UBXN7: variants seen among roughly 807,000 people sequenced by gnomAD.
UBXN7 encodes the protein UBX domain protein 7.
A neutral mutation model predicts 58.0 loss-of-function variants in UBXN7; 9 were observed. The observed-to-expected ratio is 0.16, with a 90% CI of 0.09 to 0.27. UBXN7 has a LOEUF of 0.27. Ranked by LOEUF, UBXN7 falls within the 10% of genes least tolerant of loss-of-function variation. UBXN7 has a pLI of 1.00. For missense variants in UBXN7, 328 were observed against 599.6 expected, an observed-to-expected ratio of 0.55 and a Z score of 4.73; for synonymous variants, 208 against 205.0, an observed-to-expected ratio of 1.01 and a Z score of -0.12.
chr3:196,373,374 TC>T (rs1274987485), intron 5 of UBXN7, among the ~76,000 whole-genome samples: 6 of 152,188 alleles, frequency 3.9e-5, no homozygotes, highest in Non-Finnish European at 8.8e-5. Context: ...CAGTCCCTTG[TC>T]AGCATAAAGA....
intron 2 of UBXN7, among the ~76,000 whole-genome samples, chr3:196,404,261 GTTT>G (rs869218456): frequency 3.9e-5 from 5 of 129,396 alleles, no homozygotes; most frequent in African/African-American, 5.7e-5. Context: ...AGCCCTAATG[GTTT>G]TTTTTTTTTT....
chr3:196,407,953 C>T (rs1321017486), intron 1 of UBXN7, among the ~76,000 whole-genome samples: 2 of 151,648 alleles, frequency 1.3e-5, no homozygotes, highest in African/African-American at 4.9e-5. Context: ...CAAAAATTTG[C>T]CAGGCATGGT....
chr3:196,399,049 T>C (rs1729872521), intron 3 of UBXN7, among the ~76,000 whole-genome samples: 1 of 152,246 alleles, frequency 6.6e-6, no homozygotes, highest in Non-Finnish European at 1.5e-5. Flanking sequence ...TGTAAACTGA[T>C]AGTCTGTCAG....
At position 196,364,111 on chromosome 3, in the gene UBXN7, T is replaced by C. The variant is rs143106583; in HGVS notation, c.835-1424A>G. Among the ~76,000 whole-genome samples the C allele has an allele frequency of 3.6e-3, 551 of 152,346 alleles. 20 individuals carry two copies. The South Asian group carries it at 0.074, about 20-fold the overall frequency. On this transcript the variant is annotated intron_variant, in intron 8 of 10. Coordinates refer to ENST00000296328, the MANE Select transcript of UBXN7 (RefSeq NM_015562.2). ...CAACTAGTAATTCCATTAATTACAA[T>C]GAAGGTTTTCATTATGATAACAAGA...
At chr3:196,406,769 C>T (rs1730176893) in intron 2 of UBXN7, among the ~76,000 whole-genome samples, 2 of 152,132 alleles carry the variant, frequency 1.3e-5, no homozygotes, top group South Asian at 4.2e-4. Context: ...TTCATAGCAA[C>T]TCAAAACATT....
At chr3:196,391,788 A>G in intron 5 of UBXN7, 25 bp downstream of exon 5, 1 of 1,534,908 alleles carries the variant, frequency 6.5e-7, no homozygotes, top group Non-Finnish European at 8.9e-7. Context: ...TTCATAGTTA[A>G]GGCACTGACT....
At chr3:196,423,069 G>A (rs913022715) in intron 1 of UBXN7, among the ~76,000 whole-genome samples, 2 of 152,224 alleles carry the variant, frequency 1.3e-5, no homozygotes, top group Admixed American at 6.5e-5. Context: ...ACTAGGCTAT[G>A]GGCAGCCCAG....
At chr3:196,400,712 C>A in intron 3 of UBXN7, 1 of 373,386 alleles carries the variant, frequency 2.7e-6, no homozygotes, top group Non-Finnish European at 5.2e-6. Flanking sequence ...TGCACTCCAG[C>A]CTGGGCAACA....
At chr3:196,401,308 C>T (rs1368131551) in intron 3 of UBXN7, among the ~76,000 whole-genome samples, 3 of 106,762 alleles carry the variant, frequency 2.8e-5, no homozygotes, top group Admixed American at 2.4e-4. Context: ...TACACACACA[C>T]ACACACACAC....
At position 196,355,707 on chromosome 3, in the gene UBXN7, A is replaced by T. The variant is rs755702782; in HGVS notation, c.*978T>A. The T allele has an allele frequency of 6.6e-6, 1 of 152,224 alleles. No homozygotes were observed. The highest frequency in any genetic ancestry group is 2.4e-5 in the African/African-American group (1 of 41,452). 9.4% of individuals were successfully genotyped at this position (152,224 alleles called of 1,614,324 possible). On this transcript the variant is annotated 3_prime_UTR_variant, in exon 11 of 11. Coordinates refer to ENST00000296328, the MANE Select transcript of UBXN7 (RefSeq NM_015562.2). ...TGAATGGTTTTCTTTTTCCCCAGGG[A>T]CATACCTAAGTATGCCTGAAACAAC...
chr3:196,431,964 G>A (rs1275116642), intron 1 of UBXN7: 1 of 445,174 alleles, frequency 2.2e-6, no homozygotes. Context: ...AAGGGAAGAT[G>A]ATGAAGGAGG....
At chr3:196,400,535 A>AG (rs1729930742) in intron 3 of UBXN7, 1 of 160,052 alleles carries the variant, frequency 6.2e-6, no homozygotes, top group African/African-American at 2.4e-5. Flanking sequence ...GCAGGCAGGA[A>AG]GCTTGCTTGA....
intron 8 of UBXN7, among the ~76,000 whole-genome samples, chr3:196,365,824 T>C (rs139932406): frequency 1.7e-3 from 263 of 152,284 alleles, no homozygotes; most frequent in African/African-American, 6.2e-3. Context: ...AAGATTGAAT[T>C]TGTAGTTTAA....
intron 1 of UBXN7, among the ~76,000 whole-genome samples, chr3:196,418,569 GAAC>G (rs1015310607): frequency 1.3e-5 from 2 of 152,130 alleles, no homozygotes; most frequent in Non-Finnish European, 1.5e-5. Flanking sequence ...TATGCATAGA[GAAC>G]AACATGATAC....
At chr3:196,391,965 C>G in intron 4 of UBXN7, 40 bp from the exon 5 acceptor site, 1 of 441,964 alleles carries the variant, frequency 2.3e-6, no homozygotes, top group Non-Finnish European at 3.8e-6. Flanking sequence ...TAGCCATAAT[C>G]ATGAATCACA....
intron 5 of UBXN7, among the ~76,000 whole-genome samples, chr3:196,373,371 T>C (rs1214974413): frequency 6.6e-5 from 10 of 152,196 alleles, no homozygotes; most frequent in Admixed American, 2.0e-4. Context: ...TGTCAGTCCC[T>C]TGTCAGCATA....
Position 196,411,324 on chromosome 3 carries a change from G to A in UBXN7, c.74-3931C>T, listed in dbSNP as rs529830246. On this transcript the variant is annotated intron_variant, in intron 1 of 10. Transcript: ENST00000296328. ...ACTCATTAGCTACATACTAGAGAGA[G>A]GGAGTAGGCCTTAGTCAAAACCACT... Among the ~76,000 whole-genome samples, 9 of 152,338 alleles carry A rather than the reference G, an allele frequency of 5.9e-5. No homozygotes were observed. In the South Asian group the frequency reaches 1.9e-3, roughly 32 times the overall value.
intron 2 of UBXN7, among the ~76,000 whole-genome samples, chr3:196,406,234 T>C (rs926317297): frequency 3.9e-5 from 6 of 152,040 alleles, no homozygotes; most frequent in Non-Finnish European, 5.9e-5. Context: ...GGTTTTGCTA[T>C]ATTGCCCAAG....
chr3:196,382,061 A>C (rs1577448348), intron 5 of UBXN7, among the ~76,000 whole-genome samples: 1 of 152,152 alleles, frequency 6.6e-6, no homozygotes, highest in Non-Finnish European at 1.5e-5. Flanking sequence ...GATGGAAAAC[A>C]CTCTTCAGGA....
Sources: allele counts gnomAD v4.1 joint callset (sites outside exome capture counted in the v4.1 genomes callset), GRCh38; gene constraint gnomAD v4.1.1; transcripts MANE v1.5; gene names NCBI Gene and HGNC (gene_info 2026-07-23, HGNC 2026-07-21).